Variants in ANK3 observed in about 807,000 individuals in gnomAD.
ANK3 encodes the protein ankyrin 3.
Under a neutral mutation model 370.9 loss-of-function variants are expected in ANK3, and 57 were observed. That is an observed-to-expected ratio of 0.15 (90% CI 0.12 to 0.19). The LOEUF (loss-of-function observed/expected upper bound fraction) is 0.19. Ranked by LOEUF, ANK3 falls within the 10% of genes least tolerant of loss-of-function variation. The pLI is 1.00. For missense variants in ANK3, 4,439 were observed against 5,302.1 expected (o/e 0.84, Z 5.06); for synonymous variants, 1,929 against 1,946.3 (o/e 0.99, Z 0.23).
chr10:60,397,487 T>C (rs1032134788), intron 2 of ANK3, among the ~76,000 whole-genome samples: 2 of 152,182 alleles, frequency 1.3e-5, no homozygotes, highest in Admixed American at 6.5e-5. Context: ...GCAATGTCTA[T>C]GAAGCAAGAC....
intron 2 of ANK3, among the ~76,000 whole-genome samples, chr10:60,447,324 G>A (rs142874894): frequency 6.6e-6 from 1 of 152,324 alleles, no homozygotes; most frequent in East Asian, 1.9e-4. Context: ...ATCCAACTGA[G>A]GGTGTTGAGA....
At position 60,468,995 on chromosome 10, in the gene ANK3, G is replaced by GTATATATATATATATATATA. The variant is rs1464396090; in HGVS notation, c.96+146190_96+146191insTATATATATATATATATATA. ...CCACTATATATATACCACTTTTAGT[G>GTATATATATATATATATATA]TGTATATATATATATATATATATAC... On this transcript the variant is annotated intron_variant, in intron 2 of 43. Transcript: ENST00000373827. Among the ~76,000 whole-genome samples the GTATATATATATATATATATA allele has an allele frequency of 4.3e-3, 149 of 34,550 alleles. 46 individuals are homozygous for GTATATATATATATATATATA. Among genetic ancestry groups the GTATATATATATATATATATA allele is most frequent in the Non-Finnish European group, 7.5e-3 (115 of 15,272 alleles). 22.7% of individuals were successfully genotyped at this position (34,550 alleles called of 152,430 possible).
intron 41 of ANK3, 68 bp downstream of exon 41, chr10:60,059,272 G>A: frequency 7.4e-7 from 1 of 1,351,000 alleles, no homozygotes; most frequent in South Asian, 1.2e-5. Flanking sequence ...CCACTAAAAA[G>A]CATGTATTTA....
chr10:60,303,785 T>A (rs2044342354), intron 1 of ANK3, among the ~76,000 whole-genome samples: 1 of 152,146 alleles, frequency 6.6e-6, no homozygotes, highest in African/African-American at 2.4e-5. Context: ...ATATTTGCAC[T>A]CCTGTGTTTG....
At chr10:60,360,136 T>A (rs2058368628) in intron 1 of ANK3, among the ~76,000 whole-genome samples, 1 of 152,230 alleles carries the variant, frequency 6.6e-6, no homozygotes, top group Non-Finnish European at 1.5e-5. Context: ...TCTTGTTGCA[T>A]CTGGTACTCT....
At chr10:60,598,632 T>C (rs1326806309) in intron 2 of ANK3, among the ~76,000 whole-genome samples, 5 of 152,208 alleles carry the variant, frequency 3.3e-5, no homozygotes, top group Non-Finnish European at 7.3e-5. Flanking sequence ...GAAAGCTTTG[T>C]AAAACCCTTT....
chr10:60,129,751 A>T (rs767861543), intron 25 of ANK3, among the ~76,000 whole-genome samples: 170 of 14,062 alleles, frequency 0.012, no homozygotes, highest in Non-Finnish European at 0.04. Flanking sequence ...AGACTCTGTC[A>T]CACACACACA....
chr10:60,167,983 T>C (rs1240992999), intron 21 of ANK3, among the ~76,000 whole-genome samples: 1 of 152,148 alleles, frequency 6.6e-6, no homozygotes, highest in Non-Finnish European at 1.5e-5. Flanking sequence ...ACAGTTCCCA[T>C]ATACCCCACA....
intron 1 of ANK3, among the ~76,000 whole-genome samples, chr10:60,282,709 A>C (rs1476204654): frequency 2.0e-5 from 3 of 152,144 alleles, no homozygotes; most frequent in Non-Finnish European, 4.4e-5. Context: ...TAGCTAATTG[A>C]CCACCTCAGA....
intron 1 of ANK3, among the ~76,000 whole-genome samples, chr10:60,336,377 A>G (rs1011012371): frequency 6.6e-6 from 1 of 152,196 alleles, no homozygotes; most frequent in African/African-American, 2.4e-5. Context: ...TCAATTCAGT[A>G]AATCATAGCA....
intron 2 of ANK3, among the ~76,000 whole-genome samples, chr10:60,485,798 G>A (rs1039871650): frequency 2.0e-5 from 3 of 152,310 alleles, no homozygotes; most frequent in Admixed American, 2.0e-4. Context: ...CTTGGAAAAT[G>A]TCAGCATGAT....
intron 2 of ANK3, 47 bp downstream of exon 2, chr10:60,279,491 G>T (rs1243555418): frequency 6.8e-7 from 1 of 1,476,812 alleles, no homozygotes; most frequent in Middle Eastern, 1.8e-4. Context: ...TTGAAGTCTG[G>T]ATTTTTAGAA....
At position 60,198,494 on chromosome 10, in the gene ANK3, G is replaced by A; in HGVS notation, c.1535C>T (p.Ala512Val). The A allele has an allele frequency of 6.2e-7, 1 of 1,614,194 alleles. No individual in the cohort carries two copies. The highest frequency in any genetic ancestry group is 8.5e-7 in the Non-Finnish European group (1 of 1,180,036). Residue 512 changes from alanine to valine, a missense_variant, in exon 14 of 44, where the codon GCA becomes GTA. Physicochemically the swap from Ala to Val is moderately conservative, Grantham distance 64. Transcript: ENST00000280772. ...CTGCAACAGCTGTTGTACTATGTCT[G>A]CTTTCCCCAGTCGGGCTGAAATGTG... Reference protein sequence around the residue: ...PLHISARLGKADIVQQLLQQG... With the variant: ...PLHISARLGKVDIVQQLLQQG...
rs753966680 is a variant in ANK3, at chr10:60,186,786, C to A, written c.2014G>T (p.Ala672Ser). 23 of 1,614,024 alleles carry A rather than the reference C, an allele frequency of 1.4e-5. No individual in the cohort carries two copies. Among genetic ancestry groups the A allele is most frequent in the Admixed American group, 3.3e-5 (2 of 59,998 alleles). Residue 672 changes from alanine to serine, a missense_variant, in exon 17 of 44, where the codon GCT becomes TCT. Around this residue, in one of 13 missense-constraint regions of ANK3, gnomAD observed 192 missense variants for 192.1 expected, o/e 1.00. Transcript: ENST00000280772. ...RQGIASVHLAAQEGHVDMVSL... is the reference protein window; with the variant it reads ...RQGIASVHLASQEGHVDMVSL... ...ACCATGTCCACGTGCCCTTCCTGAG[C>A]TGCGAGATGGACGGAAGCAATTCCT...
In ANK3 at chr10:60,069,682, C is replaced by T. The variant is rs2082329935; in HGVS notation, c.11199G>A (p.Met3733Ile). 6.2e-7 allele frequency: 1 copy of T among 1,613,994 alleles called. No homozygotes were observed. Among genetic ancestry groups the T allele is most frequent in the Admixed American group, 1.7e-5 (1 of 59,978 alleles). Residue 3733 changes from methionine to isoleucine, a missense_variant, in exon 37 of 44, where the codon ATG becomes ATA. Coordinates refer to ENST00000280772, the MANE Select transcript of ANK3 (RefSeq NM_020987.5). ...TTATTTCTCCAGGGCCTTCTTTCTTCATGGTCATGGTGGATGCAGAAATTC... is the reference window on the plus strand; with the variant it reads ...TTATTTCTCCAGGGCCTTCTTTCTTTATGGTCATGGTGGATGCAGAAATTC... ...KMGISASTMTMKKEGPGEITD... is the reference protein window; with the variant it reads ...KMGISASTMTIKKEGPGEITD...
chr10:60,074,713 T>G lies in ANK3; in HGVS notation c.6168A>C (p.Ala2056=), dbSNP rs1273551931. ...LTNLKYKFED[A]KKDGEERQKR... ...TCTGTCTCTCCTCACCATCCTTCTT[T>G]GCATCCTCAAACTTGTATTTTAAGT... Residue 2056 remains alanine (A), a synonymous_variant, in exon 37 of 44, where the codon GCA becomes GCC. Transcript: ENST00000280772. 1.2e-6 allele frequency: 2 copies of G among 1,613,484 alleles called. No homozygotes were observed. Among genetic ancestry groups the G allele is most frequent in the Non-Finnish European group, 1.7e-6 (2 of 1,179,934 alleles).
In ANK3 at chr10:60,151,413, G is replaced by T. The variant is rs553456156; in HGVS notation, c.2615-12326C>A. 1.3e-3 allele frequency among the ~76,000 whole-genome samples: 197 copies of T among 151,824 alleles called. 2 individuals are homozygous for T. The highest frequency in any genetic ancestry group is 4.7e-3 in the African/African-American group (192 of 41,140). On this transcript the variant is annotated intron_variant, in intron 23 of 43. Coordinates refer to ENST00000280772, the MANE Select transcript of ANK3 (RefSeq NM_020987.5). ...GTGATGTTAAAAAGAGCCTGGCTTA[G>T]TTAGGCTTTTAAGATTCATTCATAC...
chr10:60,345,260 T>C (rs1264633850), intron 1 of ANK3, among the ~76,000 whole-genome samples: 1 of 152,176 alleles, frequency 6.6e-6, no homozygotes, highest in Non-Finnish European at 1.5e-5. Flanking sequence ...CAATTTATCA[T>C]TTTTCATGTA....
intron 1 of ANK3, among the ~76,000 whole-genome samples, chr10:60,727,096 C>T (rs748333510): frequency 7.9e-5 from 12 of 152,026 alleles, no homozygotes; most frequent in Admixed American, 3.9e-4. Flanking sequence ...AACCTTAGAT[C>T]CTACAATTTC....
Sources: gnomAD v4.1 joint callset for allele counts (sites outside exome capture counted in the v4.1 genomes callset) on GRCh38, gnomAD v4.1.1 for gene constraint, gnomAD v4.1.1 regional missense constraint, MANE v1.5 for transcripts, NCBI Gene and HGNC (gene_info 2026-07-23, HGNC 2026-07-21) for gene names.